The following CRACD variants were observed in gnomAD, a reference collection of about 807,000 sequenced individuals.
CRACD encodes capping protein inhibiting regulator of actin dynamics, also known as capping protein-inhibiting regulator of actin dynamics.
CRACD carries 56 observed loss-of-function variants against 106.8 expected under a neutral mutation model. The observed-to-expected ratio is 0.52, with a 90% CI of 0.42 to 0.66. CRACD has a LOEUF of 0.66. Ranked by LOEUF, CRACD falls within the 30% of genes least tolerant of loss-of-function variation. CRACD has a pLI of 0.00. For missense variants in CRACD, 1,730 were observed against 1,623.2 expected, an observed-to-expected ratio of 1.07 and a Z score of -1.13; for synonymous variants, 754 against 670.8, an observed-to-expected ratio of 1.12 and a Z score of -1.92.
At chr4:56,293,275 C>T (rs1039491201) in intron 3 of CRACD, among the ~76,000 whole-genome samples, 1 of 152,070 alleles carries the variant, frequency 6.6e-6, no homozygotes, top group African/African-American at 2.4e-5. Context: ...TGGGGCACAA[C>T]AGTATTTAAG....
At chr4:56,109,744 T>A (rs1044243678) in intron 1 of CRACD, among the ~76,000 whole-genome samples, 1 of 148,382 alleles carries the variant, frequency 6.7e-6, no homozygotes, top group Non-Finnish European at 1.5e-5. Context: ...TGAAAAAAAG[T>A]AATCAACAGT....
At chr4:56,177,510 A>G (rs562706354) in intron 1 of CRACD, among the ~76,000 whole-genome samples, 3 of 152,132 alleles carry the variant, frequency 2.0e-5, no homozygotes, top group South Asian at 2.1e-4. Flanking sequence ...TGGTTTTGGT[A>G]TGAGGGTAAT....
chr4:56,159,859 G>A (rs1294102581), intron 1 of CRACD, among the ~76,000 whole-genome samples: 1 of 151,882 alleles, frequency 6.6e-6, no homozygotes, highest in African/African-American at 2.4e-5. Flanking sequence ...TAGGCTCACC[G>A]AAACCTCCAC....
At chr4:56,138,003 G>C (rs1735062810) in intron 1 of CRACD, among the ~76,000 whole-genome samples, 2 of 152,124 alleles carry the variant, frequency 1.3e-5, no homozygotes, top group East Asian at 1.9e-4. Context: ...CTTAGCTCCT[G>C]AAAGCCTTTT....
At chr4:56,164,524 T>C (rs1012481775) in intron 1 of CRACD, among the ~76,000 whole-genome samples, 17 of 152,276 alleles carry the variant, frequency 1.1e-4, no homozygotes, top group African/African-American at 4.1e-4. Flanking sequence ...AGAATCTCCA[T>C]AGCATTAGGC....
chr4:56,171,525 T>G (rs1243611345), intron 1 of CRACD, among the ~76,000 whole-genome samples: 3 of 152,166 alleles, frequency 2.0e-5, no homozygotes, highest in Admixed American at 2.0e-4. Context: ...CACAGGTTAT[T>G]GGTGACTTTG....
In CRACD at chr4:56,074,242, T is replaced by G. The variant is rs148773990; in HGVS notation, c.-336+24943T>G. Among the ~76,000 whole-genome samples the G allele has an allele frequency of 6.2e-3, 950 of 152,328 alleles. 11 individuals are homozygous for G. The highest frequency in any genetic ancestry group is 0.022 in the African/African-American group (895 of 41,576). On this transcript the variant is annotated intron_variant, in intron 1 of 10. Transcript: ENST00000682029. ...GTGAAGAAAGTCAATGGTAGCTTGA[T>G]GACAATAGCATCGAATCTATAAATT...
chr4:56,283,663 G>A (rs897031662), intron 3 of CRACD, among the ~76,000 whole-genome samples: 5 of 152,208 alleles, frequency 3.3e-5, no homozygotes, highest in African/African-American at 1.2e-4. Flanking sequence ...GCGGCCTAAT[G>A]GCGGCTGTGG....
intron 4 of CRACD, chr4:56,301,364 T>C (rs1039413257): frequency 2.1e-6 from 1 of 481,276 alleles, no homozygotes; most frequent in Non-Finnish European, 3.5e-6. Flanking sequence ...CGCCCCCTTG[T>C]AGATGCCAGC....
chr4:56,198,405 T>TA (rs1737723879), intron 2 of CRACD, among the ~76,000 whole-genome samples: 3 of 152,190 alleles, frequency 2.0e-5, no homozygotes, highest in Non-Finnish European at 1.5e-5. Context: ...GTCTCATTCT[T>TA]ACCCTTGTAT....
chr4:56,220,108 A>G (rs1738948515), intron 2 of CRACD, among the ~76,000 whole-genome samples: 1 of 152,222 alleles, frequency 6.6e-6, no homozygotes, highest in Non-Finnish European at 1.5e-5. Flanking sequence ...AGTGGTCTGG[A>G]GGGCCAGTTA....
At chr4:56,056,101 T>C (rs1286400627) in intron 1 of CRACD, among the ~76,000 whole-genome samples, 2 of 152,252 alleles carry the variant, frequency 1.3e-5, no homozygotes, top group Non-Finnish European at 2.9e-5. Context: ...GTCTCATTCA[T>C]TCAGTAGTTA....
intron 1 of CRACD, among the ~76,000 whole-genome samples, chr4:56,052,725 A>G (rs1731917032): frequency 6.6e-6 from 1 of 152,212 alleles, no homozygotes; most frequent in Admixed American, 6.5e-5. Flanking sequence ...AACTTGCCCA[A>G]GGTCCTAAAT....
At chr4:56,180,676 C>G (rs1043492727) in intron 2 of CRACD, among the ~76,000 whole-genome samples, 1 of 152,118 alleles carries the variant, frequency 6.6e-6, no homozygotes, top group African/African-American at 2.4e-5. Context: ...ATTACGATAA[C>G]TACCTGTTAA....
At chr4:56,298,379 C>G in intron 4 of CRACD, 30 bp downstream of exon 4, 1 of 1,610,552 alleles carries the variant, frequency 6.2e-7, no homozygotes, top group Non-Finnish European at 8.5e-7. Context: ...GAATTACGAG[C>G]CATAGGAGGG....
chr4:56,099,264 T>C (rs976834437), intron 1 of CRACD, among the ~76,000 whole-genome samples: 4 of 152,172 alleles, frequency 2.6e-5, no homozygotes, highest in Non-Finnish European at 5.9e-5. Context: ...CAGGTACAAT[T>C]TTGGGGGTCA....
intron 8 of CRACD, among the ~76,000 whole-genome samples, chr4:56,319,977 A>G (rs1745963223): frequency 6.6e-6 from 1 of 152,168 alleles, no homozygotes; most frequent in Admixed American, 6.5e-5. Context: ...GTTCAAGACC[A>G]GCCTGGCCAA....
rs1738815662 is a variant in CRACD, at chr4:56,218,180, C to T, written c.-189+38750C>T. Among the ~76,000 whole-genome samples, 2 of 152,140 alleles carry T rather than the reference C, an allele frequency of 1.3e-5. 1 individual carries two copies. Among genetic ancestry groups the T allele is most frequent in the South Asian group, 4.1e-4 (2 of 4,820 alleles). ...CACTGTCTTCAAATAATGTTACATT[C>T]TGAGATAGTAGGGGTGAGGACTTCA... On this transcript the variant is annotated intron_variant, in intron 2 of 10. Coordinates refer to ENST00000682029, the MANE Select transcript of CRACD (RefSeq NM_001393381.1).
At chr4:56,112,527 T>C (rs1163116317) in intron 1 of CRACD, among the ~76,000 whole-genome samples, 1 of 43,724 alleles carries the variant, frequency 2.3e-5, no homozygotes, top group Non-Finnish European at 3.8e-5. Context: ...CTCTGGCTAG[T>C]TGGGGGGACC....
Sources: allele counts gnomAD v4.1 joint callset (sites outside exome capture counted in the v4.1 genomes callset), GRCh38; gene constraint gnomAD v4.1.1; transcripts MANE v1.5; gene names NCBI Gene and HGNC (gene_info 2026-07-23, HGNC 2026-07-21).